PIK3CA: variants seen among roughly 807,000 people sequenced by gnomAD.
The protein encoded by PIK3CA is phosphatidylinositol-4,5-bisphosphate 3-kinase catalytic subunit alpha, also known as phosphatidylinositol 4,5-bisphosphate 3-kinase catalytic subunit alpha isoform.
In PIK3CA, 27 loss-of-function variants were observed where a neutral mutation model predicts 138.2. The observed-to-expected ratio is 0.20, with a 90% CI of 0.14 to 0.27. The LOEUF (loss-of-function observed/expected upper bound fraction) is 0.27. Ranked by LOEUF, PIK3CA falls within the 10% of genes least tolerant of loss-of-function variation. The probability of loss-of-function intolerance (pLI) is 1.00; values close to 1 mark genes in which losing one functional copy is unlikely to be tolerated. For synonymous variants in PIK3CA, 358 were observed against 413.2 expected (o/e 0.87, Z 1.62); for missense variants, 544 against 1,277.4 (o/e 0.43, Z 8.75).
intron 5 of PIK3CA, 21 bp from the exon 6 acceptor site, chr3:179,204,482 A>T: frequency 8.4e-7 from 1 of 1,193,756 alleles, no homozygotes; most frequent in East Asian, 2.3e-5. Context: ...ACATTAGTAT[A>T]TACCTACTTT....
intron 20 of PIK3CA, among the ~76,000 whole-genome samples, chr3:179,231,506 G>A (rs142871201): frequency 1.2e-4 from 18 of 151,902 alleles, no homozygotes; most frequent in Middle Eastern, 3.4e-3. Flanking sequence ...CAGGAGTAAG[G>A]TGGTATCTCA....
chr3:179,234,348 A>G lies in PIK3CA; in HGVS notation c.3191A>G (p.Gln1064Arg). 6.2e-7 allele frequency: 1 copy of G among 1,609,982 alleles called. No individual in the cohort carries two copies. The highest frequency in any genetic ancestry group is 8.5e-7 in the Non-Finnish European group (1 of 1,177,054). ...GATTGGATCTTCCACACAATTAAACAGCATGCATTGAACTGAAAAGATAAC... is the reference window on the plus strand; with the variant it reads ...GATTGGATCTTCCACACAATTAAACGGCATGCATTGAACTGAAAAGATAAC... The part of the protein sequence containing the change: ...KMDWIFHTIK[Q>R]HALN Residue 1064 changes from glutamine (Q) to arginine (R), a missense_variant, in exon 21 of 21, where the codon CAG becomes CGG. Gln to Arg is a conservative substitution (Grantham distance 43). Around this residue, in one of 14 missense-constraint regions of PIK3CA, gnomAD observed 12 missense variants for 75.3 expected, o/e 0.16. Transcript: ENST00000263967. The surrounding 1 kb of genome is among the most constrained non-coding windows in gnomAD (Gnocchi z 5.1).
intron 1 of PIK3CA, among the ~76,000 whole-genome samples, chr3:179,183,513 C>T (rs1205655064): frequency 6.6e-6 from 1 of 152,038 alleles, no homozygotes; most frequent in African/African-American, 2.4e-5. Flanking sequence ...GTTGTTTTGA[C>T]CAATAAATTT....
In PIK3CA at chr3:179,228,559, G is replaced by A. The variant is rs560134194; in HGVS notation, c.2496-713G>A. Among the ~76,000 whole-genome samples, 16 of 152,062 alleles carry A rather than the reference G, an allele frequency of 1.1e-4. No homozygotes were observed. The South Asian group carries it at 1.2e-3, about 12-fold the overall frequency. On this transcript the variant is annotated intron_variant, in intron 17 of 20. Transcript: ENST00000263967. ...TCTTTTTCTACCTACCTATCTTTGT[G>A]AGGCCAGATTTTCTTTTTATACTTT...
intron 1 of PIK3CA, among the ~76,000 whole-genome samples, chr3:179,159,233 G>A (rs995538355): frequency 6.6e-6 from 1 of 152,118 alleles, no homozygotes; most frequent in Non-Finnish European, 1.5e-5. Context: ...CTTTTAGGGG[G>A]TGATATGTAC....
At position 179,239,326 on chromosome 3, in the gene PIK3CA, AT is replaced by A. The variant is rs1725393909; in HGVS notation, c.*4967del. 2 of 202,494 alleles carry A rather than the reference AT, an allele frequency of 9.9e-6. No homozygotes were observed. The highest frequency in any genetic ancestry group is 1.5e-4 in the East Asian group (2 of 13,228). The allele number at this position is 202,494 out of a possible 1,614,324, so 12.5% of individuals were successfully genotyped here. On this transcript the variant is annotated 3_prime_UTR_variant, in exon 21 of 21. Coordinates refer to ENST00000263967, the MANE Select transcript of PIK3CA (RefSeq NM_006218.4). ...CTTTTAGGTATTCTTATTTTTGTCA[AT>A]TTTTCTAGGTTGGCAAGGAGGCAGA...
rs1290081696 is a variant in PIK3CA, at chr3:179,219,934, T to C, written c.1912-15T>C. 2 of 1,606,410 alleles carry C rather than the reference T, an allele frequency of 1.2e-6. No homozygotes were observed. Among genetic ancestry groups the C allele is most frequent in the East Asian group, 2.2e-5 (1 of 44,606 alleles). ...GCAGAAACTGACCCTGATTTGTTTT[T>C]TTGGAATCACCTAGGTCCTAAAATA... On this transcript the variant is annotated splice_polypyrimidine_tract_variant and intron_variant, in intron 12 of 20. Transcript: ENST00000263967. The surrounding 1 kb of genome is among the most constrained non-coding windows in gnomAD (Gnocchi z 4.2).
chr3:179,182,372 A>T (rs1263348434), intron 1 of PIK3CA, among the ~76,000 whole-genome samples: 1 of 152,202 alleles, frequency 6.6e-6, no homozygotes, highest in Admixed American at 6.5e-5. Context: ...TCAGTGAATA[A>T]GAGTGGCAGT....
intron 1 of PIK3CA, among the ~76,000 whole-genome samples, chr3:179,168,811 T>C (rs1168685404): frequency 1.3e-5 from 2 of 152,186 alleles, no homozygotes; most frequent in South Asian, 2.1e-4. Flanking sequence ...CACTCTTTTT[T>C]CCCAAATGTC....
At position 179,224,797 on chromosome 3, in the gene PIK3CA, G is replaced by A. The variant is rs1430412182; in HGVS notation, c.2392G>A (p.Glu798Lys). The A allele has an allele frequency of 6.2e-7, 1 of 1,607,026 alleles. No individual in the cohort carries two copies. The highest frequency in any genetic ancestry group is 1.3e-5 in the African/African-American group (1 of 74,728). The change falls in exon 16 of 21, where the codon GAG becomes AAG. Residue 798 changes from glutamate (E) to lysine (K), a missense_variant. Glu to Lys is a moderately conservative substitution (Grantham distance 56, BLOSUM62 1). Transcript: ENST00000263967. ...IMSELLFQNN[E>K]IIFKNGDDLR... ...GTCAGAGTTACTGTTTCAGAACAATGAGATCATCTTTAAAAATGGGGATGG... is the reference window on the plus strand; with the variant it reads ...GTCAGAGTTACTGTTTCAGAACAATAAGATCATCTTTAAAAATGGGGATGG...
In PIK3CA at chr3:179,196,412, C is replaced by G. The variant is rs573791777; in HGVS notation, c.-76-2338C>G. ...TGTAGGCTTAAAAAAATTTAAGTCACTTCTATAATTGTTCATACAGATTGA... is the reference window on the plus strand; with the variant it reads ...TGTAGGCTTAAAAAAATTTAAGTCAGTTCTATAATTGTTCATACAGATTGA... On this transcript the variant is annotated intron_variant, in intron 1 of 20. Coordinates refer to ENST00000263967, the MANE Select transcript of PIK3CA (RefSeq NM_006218.4). Among the ~76,000 whole-genome samples the G allele has an allele frequency of 1.4e-4, 21 of 152,280 alleles. No individual in the cohort carries two copies. The South Asian group carries it at 4.4e-3, about 32-fold the overall frequency.
At chr3:179,200,639 C>A (rs1340521447) in intron 3 of PIK3CA, among the ~76,000 whole-genome samples, 2 of 152,246 alleles carry the variant, frequency 1.3e-5, no homozygotes, top group South Asian at 4.1e-4. Flanking sequence ...TTTTAATGCT[C>A]TTTTCATTTT....
chr3:179,165,771 C>T (rs1344683657), intron 1 of PIK3CA, among the ~76,000 whole-genome samples: 1 of 152,122 alleles, frequency 6.6e-6, no homozygotes, highest in Non-Finnish European at 1.5e-5. Flanking sequence ...GCTACATGCT[C>T]ACCTAGGTTA....
chr3:179,202,421 A>G (rs1724439569), intron 4 of PIK3CA, among the ~76,000 whole-genome samples: 1 of 152,186 alleles, frequency 6.6e-6, no homozygotes, highest in African/African-American at 2.4e-5. Context: ...TGGAATTGAA[A>G]TAGACATTTC....
At chr3:179,181,677 CAT>C (rs1243482063) in intron 1 of PIK3CA, among the ~76,000 whole-genome samples, 1 of 152,060 alleles carries the variant, frequency 6.6e-6, no homozygotes, top group Non-Finnish European at 1.5e-5. Context: ...GATAATTAAA[CAT>C]ATTTTCTCTG....
intron 2 of PIK3CA, among the ~76,000 whole-genome samples, 155 bp downstream of exon 2, chr3:179,199,332 A>G (rs1576932153): frequency 6.6e-6 from 1 of 152,178 alleles, no homozygotes; most frequent in Admixed American, 6.5e-5. Context: ...CTATCGAACT[A>G]TGGAACTATT....
At chr3:179,188,709 A>G (rs1724053041) in intron 1 of PIK3CA, among the ~76,000 whole-genome samples, 1 of 152,200 alleles carries the variant, frequency 6.6e-6, no homozygotes, top group African/African-American at 2.4e-5. Flanking sequence ...TAAGAAAAAT[A>G]TTTAGTAGAA....
At chr3:179,174,986 T>A (rs1294960004) in intron 1 of PIK3CA, among the ~76,000 whole-genome samples, 2 of 152,228 alleles carry the variant, frequency 1.3e-5, no homozygotes, top group Non-Finnish European at 2.9e-5. Context: ...TCATAGAGCC[T>A]TCAGTATTTC....
In PIK3CA at chr3:179,213,280, C is replaced by A. The variant is rs1199929561; in HGVS notation, c.1539+2715C>A. Among the ~76,000 whole-genome samples, 6 of 152,150 alleles carry A rather than the reference C, an allele frequency of 3.9e-5. No homozygotes were observed. The East Asian group carries it at 1.2e-3, about 29-fold the overall frequency. On this transcript the variant is annotated intron_variant, in intron 9 of 20. Transcript: ENST00000263967. ...TAGAGTCACAAATGTTTTGGTTTCC[C>A]AGTGCATATAAAAGTTCTGTTCACA...
Sources: gnomAD v4.1 joint callset for allele counts (sites outside exome capture counted in the v4.1 genomes callset) on GRCh38, gnomAD v4.1.1 for gene constraint, gnomAD v4.1.1 regional missense constraint, Gnocchi (gnomAD v3.1) non-coding constraint, MANE v1.5 for transcripts, NCBI Gene and HGNC (gene_info 2026-07-23, HGNC 2026-07-21) for gene names.